PPFIA2: variants seen among roughly 807,000 people sequenced by gnomAD.
PPFIA2 encodes PPFI scaffold protein A2.
In PPFIA2, 46 loss-of-function variants were observed where a neutral mutation model predicts 175.5. That is an observed-to-expected ratio of 0.26 (90% CI 0.21 to 0.34). The LOEUF (loss-of-function observed/expected upper bound fraction) is 0.34, where lower values mean the gene tolerates loss of function less well. Ranked by LOEUF, PPFIA2 falls within the 10% of genes least tolerant of loss-of-function variation. PPFIA2 has a pLI of 1.00. For synonymous variants in PPFIA2, 568 were observed against 511.4 expected (o/e 1.11, Z -1.49); for missense variants, 1,179 against 1,506.1 (o/e 0.78, Z 3.60).
intron 3 of PPFIA2, among the ~76,000 whole-genome samples, chr12:81,734,288 A>G (rs1234004612): frequency 6.6e-6 from 1 of 151,826 alleles, no homozygotes; most frequent in Non-Finnish European, 1.5e-5. Context: ...AGATATGCAC[A>G]TATAAGGAAA....
intron 4 of PPFIA2, among the ~76,000 whole-genome samples, chr12:81,528,294 C>T (rs1331274527): frequency 1.3e-5 from 2 of 151,978 alleles, no homozygotes; most frequent in East Asian, 1.9e-4. Context: ...ATATGGGTAA[C>T]AAGAATTCAG....
intron 3 of PPFIA2, among the ~76,000 whole-genome samples, chr12:81,746,391 C>T (rs1224627929): frequency 7.0e-6 from 1 of 143,638 alleles, no homozygotes; most frequent in African/African-American, 2.4e-5. Flanking sequence ...ATAAAACAAA[C>T]CTACTACAAT....
At chr12:81,544,573 T>G (rs117863705) in intron 4 of PPFIA2, among the ~76,000 whole-genome samples, 14,617 of 152,204 alleles carry the variant, frequency 0.096, 893 homozygotes, top group Middle Eastern at 0.18. Flanking sequence ...ACATGAAAAT[T>G]TATATAATTA....
intron 4 of PPFIA2, among the ~76,000 whole-genome samples, chr12:81,590,376 T>C (rs2058532100): frequency 6.6e-6 from 1 of 152,160 alleles, no homozygotes; most frequent in Non-Finnish European, 1.5e-5. Flanking sequence ...TCTTGTTCTT[T>C]GATGAAAAGC....
At chr12:81,604,922 A>G (rs1010030737) in intron 4 of PPFIA2, among the ~76,000 whole-genome samples, 1 of 151,764 alleles carries the variant, frequency 6.6e-6, no homozygotes, top group African/African-American at 2.4e-5. Context: ...TCCTGAAGCC[A>G]GACATTTGCT....
rs1051056514 is a variant in PPFIA2, at chr12:81,583,368, A to G, written c.303+93423T>C. 2.0e-5 allele frequency among the ~76,000 whole-genome samples: 3 copies of G among 151,070 alleles called. No homozygotes were observed. The East Asian group carries it at 5.8e-4, about 29-fold the overall frequency. Reference sequence around the variant, plus strand: ...TCTTCTCTTTTCCTTTTTTTTTTCTAAGAAAATGAAGCATTAGTCACTACA... The same window carrying G: ...TCTTCTCTTTTCCTTTTTTTTTTCTGAGAAAATGAAGCATTAGTCACTACA... On this transcript the variant is annotated intron_variant, in intron 4 of 32. Coordinates refer to ENST00000549396, the MANE Select transcript of PPFIA2 (RefSeq NM_003625.5).
Position 81,281,438 on chromosome 12 carries a change from GA to G in PPFIA2, c.3030del (p.Leu1011TyrfsTer9). On this transcript the variant is annotated frameshift_variant, in exon 27 of 33. Transcript: ENST00000549396. LOFTEE classifies it high-confidence loss of function. ...ATATCTCCATAAGCCAGGGTCTGTA[GA>G]AAAACCGGACACTAGAATTGTTTTA... is the stretch of plus-strand genomic sequence containing the variant. ...EEGSWAQCPV[F>X]LQTLAYGDMN... The G allele has an allele frequency of 6.3e-7, 1 of 1,599,768 alleles. No homozygotes were observed. The highest frequency in any genetic ancestry group is 1.1e-5 in the South Asian group (1 of 88,846).
chr12:81,533,621 G>T (rs1421349089), intron 4 of PPFIA2, among the ~76,000 whole-genome samples: 1 of 151,336 alleles, frequency 6.6e-6, no homozygotes. Context: ...ATGAATATGT[G>T]AACAATGAAT....
At chr12:81,603,138 C>T (rs890352873) in intron 4 of PPFIA2, among the ~76,000 whole-genome samples, 2 of 151,682 alleles carry the variant, frequency 1.3e-5, no homozygotes, top group Non-Finnish European at 3.0e-5. Context: ...ATTCAGTGAC[C>T]ACGCTGAGTT....
At chr12:81,716,672 C>A (rs535410708) in intron 3 of PPFIA2, among the ~76,000 whole-genome samples, 3 of 151,572 alleles carry the variant, frequency 2.0e-5, no homozygotes, top group Non-Finnish European at 3.0e-5. Context: ...ATGCTTTAAA[C>A]GTAGTTTTGT....
At chr12:81,401,014 TA>T (rs1289482971) in intron 8 of PPFIA2, among the ~76,000 whole-genome samples, 1 of 152,176 alleles carries the variant, frequency 6.6e-6, no homozygotes, top group African/African-American at 2.4e-5. Flanking sequence ...TGACTCCTGG[TA>T]CTTTTTCAGG....
At chr12:81,680,850 T>C (rs1393903788) in intron 3 of PPFIA2, among the ~76,000 whole-genome samples, 1 of 151,948 alleles carries the variant, frequency 6.6e-6, no homozygotes, top group African/African-American at 2.4e-5. Flanking sequence ...AGCAGGTAAG[T>C]GAGGTGCCTA....
chr12:81,326,784 G>A (rs1423541431), intron 21 of PPFIA2, among the ~76,000 whole-genome samples: 1 of 152,036 alleles, frequency 6.6e-6, no homozygotes, highest in Non-Finnish European at 1.5e-5. Flanking sequence ...ATTTTTAAAT[G>A]AGTTAAGGTA....
chr12:81,516,261 T>C (rs1040843041), intron 4 of PPFIA2, among the ~76,000 whole-genome samples: 1 of 152,162 alleles, frequency 6.6e-6, no homozygotes, highest in African/African-American at 2.4e-5. Flanking sequence ...TAATTCTTCC[T>C]GAAAGAGTTC....
At chr12:81,538,449 A>C (rs1349682827) in intron 4 of PPFIA2, among the ~76,000 whole-genome samples, 1 of 151,874 alleles carries the variant, frequency 6.6e-6, no homozygotes, top group Non-Finnish European at 1.5e-5. Context: ...ATACACAATA[A>C]ATATGTTTTA....
At chr12:81,316,403 T>G (rs1372582747) in intron 22 of PPFIA2, among the ~76,000 whole-genome samples, 1 of 151,636 alleles carries the variant, frequency 6.6e-6, no homozygotes, top group Non-Finnish European at 1.5e-5. Context: ...TTAATTTGAT[T>G]TTTTTATTTA....
At chr12:81,515,333 T>C (rs2147908054) in intron 4 of PPFIA2, among the ~76,000 whole-genome samples, 1 of 152,052 alleles carries the variant, frequency 6.6e-6, no homozygotes, top group African/African-American at 2.4e-5. Flanking sequence ...TTCTGAAATC[T>C]TGAAGATTAC....
chr12:81,461,639 C>T (rs953449605), intron 4 of PPFIA2, among the ~76,000 whole-genome samples: 1 of 152,014 alleles, frequency 6.6e-6, no homozygotes, highest in South Asian at 2.1e-4. Context: ...CCAGTGTATG[C>T]CCTTTAGAAG....
At chr12:81,567,663 A>C (rs2153407297) in intron 4 of PPFIA2, among the ~76,000 whole-genome samples, 1 of 152,314 alleles carries the variant, frequency 6.6e-6, no homozygotes, top group Non-Finnish European at 1.5e-5. Flanking sequence ...TTCCTGGTTG[A>C]TGATATGCAC....
Sources: gnomAD v4.1 joint callset for allele counts (sites outside exome capture counted in the v4.1 genomes callset) on GRCh38, gnomAD v4.1.1 for gene constraint, MANE v1.5 for transcripts, NCBI Gene and HGNC (gene_info 2026-07-23, HGNC 2026-07-21) for gene names.